Variants in LRRK2 observed in about 807,000 individuals in gnomAD.
LRRK2 encodes the protein leucine rich repeat kinase 2.
In LRRK2, 203 loss-of-function variants were observed where a neutral mutation model predicts 302.6. That is an observed-to-expected ratio of 0.67 (90% CI 0.60 to 0.75). The LOEUF (loss-of-function observed/expected upper bound fraction) is 0.75, where lower values mean the gene tolerates loss of function less well. Among genes scored for constraint, LRRK2 ranks in the 30% least tolerant of loss-of-function variants. The probability of loss-of-function intolerance (pLI) is 0.00; values close to 1 mark genes in which losing one functional copy is unlikely to be tolerated. For synonymous variants in LRRK2, 1,066 were observed against 1,031.9 expected, an observed-to-expected ratio of 1.03 and a Z score of -0.63; for missense variants, 2,830 against 2,951.0, an observed-to-expected ratio of 0.96 and a Z score of 0.95.
At chr12:40,347,038 T>C in intron 42 of LRRK2, 115 bp downstream of exon 42, 1 of 779,330 alleles carries the variant, frequency 1.3e-6, no homozygotes, top group Non-Finnish European at 2.0e-6. Flanking sequence ...TTTTTTTGTT[T>C]AGTGCATAAA....
Position 40,287,380 on chromosome 12 carries a change from A to T in LRRK2, c.2530A>T (p.Ile844Phe). The T allele has an allele frequency of 6.2e-7, 1 of 1,612,470 alleles. No homozygotes were observed. The highest frequency in any genetic ancestry group is 1.1e-5 in the South Asian group (1 of 91,036). The change falls in exon 20 of 51, where the codon ATC becomes TTC. Residue 844 changes from isoleucine to phenylalanine, a missense_variant. Around this residue, in one of 3 missense-constraint regions of LRRK2, gnomAD observed 2,121 missense variants for 2,148.0 expected, o/e 0.99. Coordinates refer to ENST00000298910, the MANE Select transcript of LRRK2 (RefSeq NM_198578.4). ...NIASTLARMV[I>F]RYQMKSAVEE... ...AGCATCTACACTAGCAAGAATGGTG[A>T]TCAGATATCAGATGAAAAGTGCTGT...
chr12:40,274,627 T>A lies in LRRK2; in HGVS notation c.1701T>A (p.Ile567=). The part of the protein sequence containing the change: ...PGIQKCGLKV[I]SSIVHFPDAL... ...TTCAGAAATGTGGATTAAAAGTAAT[T>A]TCTTCTATTGTACATTTTCCTGATG... Residue 567 remains isoleucine (I), a synonymous_variant, in exon 15 of 51, where the codon ATT becomes ATA. Transcript: ENST00000298910. The A allele has an allele frequency of 6.2e-7, 1 of 1,613,954 alleles. No homozygotes were observed. Among genetic ancestry groups the A allele is most frequent in the Non-Finnish European group, 8.5e-7 (1 of 1,179,896 alleles).
chr12:40,298,134 G>A, intron 23 of LRRK2, 109 bp from the exon 24 acceptor site: 2 of 1,171,898 alleles, frequency 1.7e-6, no homozygotes, highest in Non-Finnish European at 2.4e-6. Context: ...TCAACTTTTT[G>A]AAAATTCTTG....
At chr12:40,302,219 T>C (rs555842929) in intron 25 of LRRK2, among the ~76,000 whole-genome samples, 45 of 151,836 alleles carry the variant, frequency 3.0e-4, no homozygotes, top group Non-Finnish European at 4.7e-4. Flanking sequence ...AATAAAAAAA[T>C]CATAAAATAT....
chr12:40,263,470 C>T (rs888882839), intron 13 of LRRK2, among the ~76,000 whole-genome samples: 7 of 152,126 alleles, frequency 4.6e-5, no homozygotes, highest in African/African-American at 1.4e-4. Flanking sequence ...TAAAAATCTT[C>T]CAGCATCTTA....
intron 49 of LRRK2, 102 bp downstream of exon 49, chr12:40,365,152 G>T (rs1330299944): frequency 9.3e-7 from 1 of 1,079,850 alleles, no homozygotes; most frequent in Non-Finnish European, 1.4e-6. Context: ...GTGTCATATG[G>T]ATGGTCTTGG....
intron 28 of LRRK2, among the ~76,000 whole-genome samples, chr12:40,306,366 T>C (rs1409939285): frequency 6.6e-6 from 1 of 152,196 alleles, no homozygotes; most frequent in African/African-American, 2.4e-5. Context: ...TAAAGCATTA[T>C]AGCTACTGAC....
intron 34 of LRRK2, 100 bp downstream of exon 34, chr12:40,320,275 A>T (rs937448901): frequency 5.1e-6 from 5 of 976,310 alleles, no homozygotes; most frequent in Non-Finnish European, 7.6e-6. Flanking sequence ...TATTAAATAA[A>T]TAAATATATT....
chr12:40,341,142 C>T (rs928134319), intron 41 of LRRK2, among the ~76,000 whole-genome samples: 3 of 150,322 alleles, frequency 2.0e-5, no homozygotes, highest in African/African-American at 7.3e-5. Context: ...TCTCAGACAT[C>T]AGTTTGAGCA....
Position 40,320,191 on chromosome 12 carries a change from A to G in LRRK2, c.5015+16A>G. On this transcript the variant is annotated intron_variant, in intron 34 of 50. Transcript: ENST00000298910. ...TTCCAAGCAGGTAAAGAAAACCTTA[A>G]AAAATTAATTGCTACATGGAAATTC... 1.2e-6 allele frequency: 2 copies of G among 1,600,230 alleles called. No homozygotes were observed. Among genetic ancestry groups the G allele is most frequent in the Non-Finnish European group, 1.7e-6 (2 of 1,168,928 alleles).
Position 40,351,746 on chromosome 12 carries a change from G to A in LRRK2, c.6576+13G>A. 6.2e-7 allele frequency: 1 copy of A among 1,612,734 alleles called. No individual in the cohort carries two copies. Among genetic ancestry groups the A allele is most frequent in the Non-Finnish European group, 8.5e-7 (1 of 1,178,940 alleles). On this transcript the variant is annotated intron_variant, in intron 44 of 50. Coordinates refer to ENST00000298910, the MANE Select transcript of LRRK2 (RefSeq NM_198578.4). The stretch of plus-strand genomic sequence containing the variant: ...ATACACTTCTGAGGTAAATCCAAAT[G>A]CTCTTTAAATCTTTCATAATTTAAA...
intron 41 of LRRK2, among the ~76,000 whole-genome samples, chr12:40,343,395 C>T (rs1946106774): frequency 6.6e-6 from 1 of 152,198 alleles, no homozygotes; most frequent in Non-Finnish European, 1.5e-5. Context: ...GTATTTAACA[C>T]ACCCATATAA....
chr12:40,281,067 CA>C (rs370464332), intron 18 of LRRK2, among the ~76,000 whole-genome samples: 23,523 of 129,156 alleles, frequency 0.18, 2,001 homozygotes, highest in Admixed American at 0.26. Flanking sequence ...GACTCCGTCT[CA>C]AAAAAAAAAA....
At chr12:40,294,412 C>T (rs932388315) in intron 21 of LRRK2, among the ~76,000 whole-genome samples, 7 of 151,936 alleles carry the variant, frequency 4.6e-5, no homozygotes, top group African/African-American at 1.7e-4. Flanking sequence ...TAGCTGAGTA[C>T]TAAAAATATG....
At chr12:40,232,197 A>G (rs1941233560) in intron 2 of LRRK2, 77 bp from the exon 3 acceptor site, 1 of 1,015,236 alleles carries the variant, frequency 9.8e-7, no homozygotes, top group Admixed American at 1.7e-5. Flanking sequence ...ACTAAGATTG[A>G]AGAGATTCAT....
rs1032269481 is a variant in LRRK2, at chr12:40,353,767, C to T, written c.6577-532C>T. On this transcript the variant is annotated intron_variant, in intron 44 of 50. Transcript: ENST00000298910. The stretch of plus-strand genomic sequence containing the variant: ...GAGGCCGAGGCTGGCAGATCACTCG[C>T]GGTTAGGAGCTGGAGACCAGCCCGG... 7.9e-5 allele frequency among the ~76,000 whole-genome samples: 12 copies of T among 152,346 alleles called. No homozygotes were observed. The East Asian group carries it at 9.7e-4, about 12-fold the overall frequency.
chr12:40,354,198 C>A, intron 44 of LRRK2, 101 bp from the exon 45 acceptor site: 1 of 981,874 alleles, frequency 1.0e-6, no homozygotes, highest in Non-Finnish European at 1.5e-6. Flanking sequence ...TGCAAGAAAG[C>A]AAAAAGAGTT....
rs574025753 is a variant in LRRK2 at position 40,260,178 on chromosome 12, G to A, written c.1543+574G>A. Among the ~76,000 whole-genome samples, 4 of 151,996 alleles carry A rather than the reference G, an allele frequency of 2.6e-5. No homozygotes were observed. In the South Asian group the frequency reaches 8.3e-4, roughly 32 times the overall value. ...AACACATTTATTAAGTGCTTCTTAT[G>A]TTCTAAGCACTGTGATGCTGTTAAA... On this transcript the variant is annotated intron_variant, in intron 13 of 50. Transcript: ENST00000298910.
At position 40,278,154 on chromosome 12, in the gene LRRK2, A is replaced by G. The variant is rs199566791; in HGVS notation, c.2134A>G (p.Met712Val). ...VAMDDYLKNV[M>V]LERACDQNNS... ...TATGGATGATTACTTAAAAAATGTG[A>G]TGCTAGAGAGAGCGTGTGATCAGAA... is the stretch of plus-strand genomic sequence containing the variant. Residue 712 changes from methionine to valine, a missense_variant, in exon 18 of 51, where the codon ATG becomes GTG. Around this residue, in one of 3 missense-constraint regions of LRRK2, gnomAD observed 2,121 missense variants for 2,148.0 expected, o/e 0.99. Transcript: ENST00000298910. The G allele has an allele frequency of 6.2e-7, 1 of 1,614,136 alleles. No individual in the cohort carries two copies. Among genetic ancestry groups the G allele is most frequent in the Admixed American group, 1.7e-5 (1 of 60,028 alleles).
Sources: allele counts gnomAD v4.1 joint callset (sites outside exome capture counted in the v4.1 genomes callset), GRCh38; gene constraint gnomAD v4.1.1; regional missense constraint gnomAD v4.1.1; transcripts MANE v1.5; gene names NCBI Gene and HGNC (gene_info 2026-07-23, HGNC 2026-07-21).